Variants in FHDC1 observed in about 807,000 individuals in gnomAD.
FHDC1 encodes FH2 domain containing 1.
A neutral mutation model predicts 52.6 loss-of-function variants in FHDC1; 25 were observed. That is an observed-to-expected ratio of 0.48 (90% CI 0.35 to 0.66). The LOEUF is 0.66. FHDC1 is among the 30% of genes least tolerant of loss of function. The pLI is 0.01. For synonymous variants in FHDC1, 616 were observed against 581.5 expected (o/e 1.06, Z -0.85); for missense variants, 1,459 against 1,452.8 (o/e 1.00, Z -0.07).
intron 2 of FHDC1, among the ~76,000 whole-genome samples, chr4:152,945,190 C>T (rs1172644360): frequency 6.6e-6 from 1 of 150,790 alleles, no homozygotes; most frequent in Non-Finnish European, 1.5e-5. Context: ...GGTTAAGAAC[C>T]ACTCAGAGAG....
At chr4:152,927,615 G>A in the FHDC1 span, 1 of 1,606,744 alleles carries the variant, frequency 6.2e-7, no homozygotes, top group Non-Finnish European at 8.5e-7. Flanking sequence ...CTATATGAAA[G>A]GCTACAGGAA....
chr4:152,921,550 C>T, the FHDC1 span, among the ~76,000 whole-genome samples: 6 of 97,654 alleles, frequency 6.1e-5, no homozygotes, highest in South Asian at 4.3e-4. Context: ...ATTTTCTTTC[C>T]TTCCTTCCTT....
At chr4:152,970,123 C>T (rs1355346500) in intron 10 of FHDC1, among the ~76,000 whole-genome samples, 1 of 152,196 alleles carries the variant, frequency 6.6e-6, no homozygotes, top group Non-Finnish European at 1.5e-5. Context: ...GACTCAAACT[C>T]TATGCCATAA....
intron 9 of FHDC1, 55 bp downstream of exon 9, chr4:152,965,030 TA>T: frequency 6.7e-7 from 1 of 1,482,672 alleles, no homozygotes; most frequent in Non-Finnish European, 9.2e-7. Context: ...TGAAAACTGA[TA>T]AATAGTTAAA....
At chr4:152,924,452 C>T in the FHDC1 span, among the ~76,000 whole-genome samples, 15 of 152,220 alleles carry the variant, frequency 9.9e-5, no homozygotes, top group South Asian at 2.1e-4. Flanking sequence ...GTCAGTGTGG[C>T]GATTCCTCAG....
intron 4 of FHDC1, among the ~76,000 whole-genome samples, chr4:152,959,458 CTTAGT>C (rs1427657060): frequency 6.6e-5 from 10 of 152,174 alleles, no homozygotes; most frequent in Non-Finnish European, 8.8e-5. Flanking sequence ...TGTTTAAAAA[CTTAGT>C]TTAGTTTATT....
At chr4:152,915,522 A>G in the FHDC1 span, among the ~76,000 whole-genome samples, 1 of 152,232 alleles carries the variant, frequency 6.6e-6, no homozygotes, top group African/African-American at 2.4e-5. Flanking sequence ...ATTTCATTTG[A>G]ATGAGTTACA....
At chr4:152,961,088 AGTCAACCTTGCTGG>A (rs1367215080) in intron 6 of FHDC1, among the ~76,000 whole-genome samples, 1 of 152,332 alleles carries the variant, frequency 6.6e-6, no homozygotes, top group Non-Finnish European at 1.5e-5. Flanking sequence ...CAGGCTTCAG[AGTCAACCTTGCTGG>A]TTACGGCTTG....
chr4:152,974,100 G>T (rs1740759783), intron 11 of FHDC1, among the ~76,000 whole-genome samples: 1 of 152,178 alleles, frequency 6.6e-6, no homozygotes, highest in Non-Finnish European at 1.5e-5. Flanking sequence ...TAATATTGTG[G>T]CTATACATTA....
chr4:152,965,543 A>C (rs571026304), intron 9 of FHDC1, among the ~76,000 whole-genome samples: 1 of 152,352 alleles, frequency 6.6e-6, no homozygotes, highest in East Asian at 1.9e-4. Flanking sequence ...ATGTATCTTA[A>C]TGTAGCTAGA....
At chr4:152,974,635 A>C in intron 11 of FHDC1, 40 bp from the exon 12 acceptor site, 1 of 1,501,906 alleles carries the variant, frequency 6.7e-7, no homozygotes, top group South Asian at 1.4e-5. Context: ...CATTGGTCCC[A>C]CATGTCTCAT....
upstream of FHDC1, among the ~76,000 whole-genome samples, chr4:152,935,205 T>C (rs7667531): frequency 0.049 from 7,394 of 152,312 alleles, 231 homozygotes; most frequent in South Asian, 0.11. Context: ...ATCCAAGGCT[T>C]GACCAAGGAG....
intron 9 of FHDC1, 21 bp from the exon 10 acceptor site, chr4:152,967,959 C>T (rs1421972745): frequency 6.3e-7 from 1 of 1,588,684 alleles, no homozygotes; most frequent in East Asian, 2.2e-5. Flanking sequence ...CAACTGCCCA[C>T]TCTCCCCTTT....
At chr4:152,943,640 A>T in intron 2 of FHDC1, 85 bp downstream of exon 2, 4 of 1,438,780 alleles carry the variant, frequency 2.8e-6, no homozygotes, top group Non-Finnish European at 3.8e-6. Flanking sequence ...AATAATTGCT[A>T]GACACCCCTA....
At chr4:152,933,115 G>T (rs1332335057), upstream of FHDC1, among the ~76,000 whole-genome samples, 1 of 152,198 alleles carries the variant, frequency 6.6e-6, no homozygotes, top group Non-Finnish European at 1.5e-5. Context: ...GTTTGGCCTG[G>T]TTGGAAAAGT....
rs1240027723 is a variant in FHDC1 at position 152,978,182 on chromosome 4, T to C, written c.*1459T>C. ...GACAGTGTGCGTCTTTCCAATCCCA[T>C]GTTCCTCCATTCGTGTGTCTGTTAT... On this transcript the variant is annotated 3_prime_UTR_variant, in exon 12 of 12. Transcript: ENST00000511601. 6.6e-6 allele frequency: 1 copy of C among 152,228 alleles called. No individual in the cohort carries two copies. Among genetic ancestry groups the C allele is most frequent in the Non-Finnish European group, 1.5e-5 (1 of 68,044 alleles). The allele number at this position is 152,228 out of a possible 1,614,324, so 9.4% of individuals were successfully genotyped here. A position where few individuals can be genotyped will look rare whatever the true frequency, so the allele number is the denominator to read the frequency against.
chr4:152,948,418 C>T (rs1190108590), intron 2 of FHDC1, among the ~76,000 whole-genome samples: 4 of 152,042 alleles, frequency 2.6e-5, no homozygotes, highest in Admixed American at 6.6e-5. Context: ...TGGTGGTTGC[C>T]AGGAAATGAG....
intron 2 of FHDC1, among the ~76,000 whole-genome samples, chr4:152,948,824 G>T (rs1378592083): frequency 6.6e-6 from 1 of 152,036 alleles, no homozygotes; most frequent in Non-Finnish European, 1.5e-5. Flanking sequence ...GATGGATGGT[G>T]GTGATGGTTA....
the FHDC1 span, chr4:152,928,080 T>G: frequency 1.5e-6 from 2 of 1,353,076 alleles, no homozygotes; most frequent in Middle Eastern, 3.6e-4. Flanking sequence ...ATCAGCATCC[T>G]CCCAGGCCTG....
Sources: gnomAD v4.1 joint callset for allele counts (sites outside exome capture counted in the v4.1 genomes callset) on GRCh38, gnomAD v4.1.1 for gene constraint, MANE v1.5 for transcripts, NCBI Gene and HGNC (gene_info 2026-07-23, HGNC 2026-07-21) for gene names.